Variants in SLC9A2 observed in about 807,000 individuals in gnomAD.
The protein encoded by SLC9A2 is solute carrier family 9 member A2, also known as sodium/hydrogen exchanger 2.
A neutral mutation model predicts 71.7 loss-of-function variants in SLC9A2; 42 were observed. The observed-to-expected ratio is 0.59, with a 90% CI of 0.46 to 0.76. SLC9A2 has a LOEUF of 0.76. Among genes scored for constraint, SLC9A2 ranks in the 30% least tolerant of loss-of-function variants. SLC9A2 has a pLI of 0.00. For missense variants in SLC9A2, 829 were observed against 1,017.4 expected (o/e 0.81, Z 2.52); for synonymous variants, 396 against 392.5 (o/e 1.01, Z -0.10).
intron 3 of SLC9A2, among the ~76,000 whole-genome samples, chr2:102,680,768 T>G (rs964145654): frequency 5.9e-5 from 9 of 152,324 alleles, no homozygotes; most frequent in African/African-American, 2.2e-4. Flanking sequence ...GTGAAAATCC[T>G]GAGATGGGGA....
At chr2:102,643,884 T>C (rs1291613282) in intron 1 of SLC9A2, among the ~76,000 whole-genome samples, 1 of 150,320 alleles carries the variant, frequency 6.7e-6, no homozygotes, top group Non-Finnish European at 1.5e-5. Flanking sequence ...TGACCTGTTG[T>C]ATCTTTTTAA....
chr2:102,673,140 T>A (rs1038695713), intron 3 of SLC9A2, among the ~76,000 whole-genome samples: 1 of 152,168 alleles, frequency 6.6e-6, no homozygotes, highest in Non-Finnish European at 1.5e-5. Context: ...TTGTCACCTG[T>A]GTCTTAGTGT....
chr2:102,631,995 GATATATATATATATATATATAT>G (rs59553931), intron 1 of SLC9A2, among the ~76,000 whole-genome samples: 8 of 43,226 alleles, frequency 1.9e-4, no homozygotes, highest in Admixed American at 3.2e-4. Flanking sequence ...TGAAAGTGGG[GATATATATATATATATATATAT>G]ATATATATAT....
intron 8 of SLC9A2, among the ~76,000 whole-genome samples, chr2:102,702,109 G>T (rs558259071): frequency 2.3e-4 from 35 of 152,158 alleles, no homozygotes; most frequent in African/African-American, 8.4e-4. Flanking sequence ...CTTTATTTAT[G>T]GAGTGTTAGA....
intron 3 of SLC9A2, among the ~76,000 whole-genome samples, chr2:102,668,098 A>C (rs1242963024): frequency 1.3e-5 from 2 of 152,026 alleles, no homozygotes; most frequent in African/African-American, 2.4e-5. Context: ...TAAAAAAAAA[A>C]CTAAAATTGT....
chr2:102,706,750 A>C (rs1257006423), intron 11 of SLC9A2, among the ~76,000 whole-genome samples: 1 of 152,196 alleles, frequency 6.6e-6, no homozygotes, highest in African/African-American at 2.4e-5. Context: ...GGTAAACAAA[A>C]AGTTGTAAGT....
intron 3 of SLC9A2, among the ~76,000 whole-genome samples, chr2:102,670,543 C>T (rs187362815): frequency 1.8e-3 from 261 of 147,712 alleles, no homozygotes; most frequent in African/African-American, 5.2e-3. Flanking sequence ...AGACCTGACC[C>T]TGTGTCCCCA....
At chr2:102,648,735 T>C (rs1362372597) in intron 1 of SLC9A2, among the ~76,000 whole-genome samples, 1 of 152,130 alleles carries the variant, frequency 6.6e-6, no homozygotes, top group Non-Finnish European at 1.5e-5. Flanking sequence ...CCATTCACAA[T>C]TGCTACAAAG....
At chr2:102,672,654 A>T (rs1677274611) in intron 3 of SLC9A2, among the ~76,000 whole-genome samples, 2 of 152,140 alleles carry the variant, frequency 1.3e-5, no homozygotes, top group African/African-American at 4.8e-5. Flanking sequence ...ACCTTGTGAA[A>T]ATGAAAAATG....
intron 1 of SLC9A2, among the ~76,000 whole-genome samples, chr2:102,632,910 C>T (rs1486385608): frequency 6.6e-6 from 1 of 152,150 alleles, no homozygotes; most frequent in Non-Finnish European, 1.5e-5. Flanking sequence ...ACTCCATAGC[C>T]ATATTTCTGT....
intron 7 of SLC9A2, among the ~76,000 whole-genome samples, chr2:102,698,885 C>T (rs1677817179): frequency 6.6e-6 from 1 of 152,098 alleles, no homozygotes. Context: ...AAGGTCATTG[C>T]CAAGTAATAT....
rs536926501 is a variant in SLC9A2, at chr2:102,644,895, G to T, written c.290-12669G>T. Reference sequence around the variant, plus strand: ...AGCTTCAGCAGACTTAAACCTTCCTGCCTGCCAGCGCTGAAGAGAGCAGCA... The same window carrying T: ...AGCTTCAGCAGACTTAAACCTTCCTTCCTGCCAGCGCTGAAGAGAGCAGCA... On this transcript the variant is annotated intron_variant, in intron 1 of 11. Coordinates refer to ENST00000233969, the MANE Select transcript of SLC9A2 (RefSeq NM_003048.6). 2.0e-5 allele frequency among the ~76,000 whole-genome samples: 3 copies of T among 152,328 alleles called. No homozygotes were observed. The East Asian group carries it at 5.8e-4, about 29-fold the overall frequency.
Position 102,619,584 on chromosome 2 carries a change from C to CGGCGGCGGAG in SLC9A2, c.-258_-249dup, listed in dbSNP as rs906867840. ...CAGCGCACCGGCATGGGCAGGCGGC[C>CGGCGGCGGAG]GGCGGCGGAGGGCGGCTGAGGGCTG... On this transcript the variant is annotated 5_prime_UTR_variant, in exon 1 of 12. The change abolishes the stop of an existing upstream ORF in the 5' untranslated region. Transcript: ENST00000233969. This position sits in a 1 kb window ranked among gnomAD's most constrained non-coding sequence, Gnocchi z 4.3. The CGGCGGCGGAG allele has an allele frequency of 9.4e-6, 3 of 318,082 alleles. No individual in the cohort carries two copies. The highest frequency in any genetic ancestry group is 6.5e-5 in the African/African-American group (3 of 46,290). The allele number at this position is 318,082 out of a possible 1,614,324, so 19.7% of individuals were successfully genotyped here.
At chr2:102,650,801 G>A (rs1676817140) in intron 1 of SLC9A2, among the ~76,000 whole-genome samples, 1 of 152,202 alleles carries the variant, frequency 6.6e-6, no homozygotes, top group African/African-American at 2.4e-5. Context: ...TTTAGCAGTG[G>A]TGTGGGGGAG....
chr2:102,702,382 T>C, intron 8 of SLC9A2, 24 bp from the exon 9 acceptor site: 1 of 1,296,700 alleles, frequency 7.7e-7, no homozygotes, highest in South Asian at 1.3e-5. Context: ...AAAGGTAAAA[T>C]ATTCTTTTTC....
At chr2:102,672,741 G>A (rs1434663013) in intron 3 of SLC9A2, among the ~76,000 whole-genome samples, 1 of 152,104 alleles carries the variant, frequency 6.6e-6, no homozygotes, top group Non-Finnish European at 1.5e-5. Context: ...TGTGGCTGCT[G>A]CAGGAATGAG....
chr2:102,680,069 T>C (rs1677421162), intron 3 of SLC9A2, among the ~76,000 whole-genome samples: 1 of 152,208 alleles, frequency 6.6e-6, no homozygotes, highest in African/African-American at 2.4e-5. Flanking sequence ...AATAAAACCC[T>C]TTTGAAGTAT....
chr2:102,662,268 A>G (rs1382515211), intron 2 of SLC9A2, among the ~76,000 whole-genome samples: 4 of 152,234 alleles, frequency 2.6e-5, no homozygotes, highest in African/African-American at 9.6e-5. Flanking sequence ...CCAGGAAAAT[A>G]GTTTTGTAAG....
intron 3 of SLC9A2, among the ~76,000 whole-genome samples, chr2:102,668,514 G>A (rs1048303636): frequency 4.1e-4 from 62 of 152,284 alleles, no homozygotes; most frequent in African/African-American, 1.5e-3. Context: ...AAATTGTACT[G>A]AGTTTAGAAA....
Sources: gnomAD v4.1 joint callset for allele counts (sites outside exome capture counted in the v4.1 genomes callset) on GRCh38, gnomAD v4.1.1 for gene constraint, Gnocchi (gnomAD v3.1) non-coding constraint, MANE v1.5 for transcripts, NCBI Gene and HGNC (gene_info 2026-07-23, HGNC 2026-07-21) for gene names.